Variants in PPP2R2B observed in about 807,000 individuals in gnomAD.
The protein encoded by PPP2R2B is protein phosphatase 2 regulatory subunit Bbeta.
Under a neutral mutation model 46.0 loss-of-function variants are expected in PPP2R2B, and 5 were observed. The observed-to-expected ratio is 0.11, with a 90% CI of 0.06 to 0.23. The LOEUF (loss-of-function observed/expected upper bound fraction) is 0.23, where lower values mean the gene tolerates loss of function less well. Ranked by LOEUF, PPP2R2B falls within the 10% of genes least tolerant of loss-of-function variation. The probability of loss-of-function intolerance (pLI) is 1.00; values close to 1 mark genes in which losing one functional copy is unlikely to be tolerated. For synonymous variants in PPP2R2B, 215 were observed against 206.7 expected (o/e 1.04, Z -0.34); for missense variants, 367 against 575.0 (o/e 0.64, Z 3.70).
intron 1 of PPP2R2B, among the ~76,000 whole-genome samples, chr5:146,896,593 A>G (rs1762651236): frequency 6.6e-6 from 1 of 152,234 alleles, no homozygotes; most frequent in African/African-American, 2.4e-5. Context: ...GAAGCTATTC[A>G]GTTTGAAATG....
At chr5:146,712,005 A>G (rs1377442068) in intron 2 of PPP2R2B, among the ~76,000 whole-genome samples, 7 of 152,188 alleles carry the variant, frequency 4.6e-5, no homozygotes, top group African/African-American at 1.7e-4. Flanking sequence ...AATACAATGC[A>G]TATTTTTGTT....
intron 1 of PPP2R2B, among the ~76,000 whole-genome samples, chr5:147,047,323 G>C (rs1338219145): frequency 1.3e-5 from 2 of 152,046 alleles, no homozygotes; most frequent in East Asian, 3.9e-4. Context: ...ACAAAGAGAG[G>C]ATAAGTGTTT....
chr5:146,680,814 C>A (rs1319516795), intron 5 of PPP2R2B, among the ~76,000 whole-genome samples: 1 of 152,174 alleles, frequency 6.6e-6, no homozygotes, highest in African/African-American at 2.4e-5. Context: ...AAACACAAAC[C>A]TAACACCTTT....
At chr5:146,787,729 G>A (rs550037601) in intron 2 of PPP2R2B, among the ~76,000 whole-genome samples, 16 of 152,198 alleles carry the variant, frequency 1.1e-4, no homozygotes, top group African/African-American at 3.9e-4. Flanking sequence ...CACTATGCCT[G>A]GCTAAGTTTT....
chr5:147,069,783 C>CTGTTTTT (rs1757521438), intron 2 of PPP2R2B, among the ~76,000 whole-genome samples: 7 of 48,436 alleles, frequency 1.4e-4, no homozygotes, highest in Non-Finnish European at 2.9e-4. Flanking sequence ...ACATTTTATA[C>CTGTTTTT]TGTTTTTTTT....
At chr5:146,647,767 A>G (rs1775685400) in intron 6 of PPP2R2B, among the ~76,000 whole-genome samples, 1 of 152,172 alleles carries the variant, frequency 6.6e-6, no homozygotes, top group Admixed American at 6.5e-5. Context: ...CAGCCAGCTG[A>G]GCCTGAGCAG....
At chr5:146,709,338 A>C (rs1290763571) in intron 2 of PPP2R2B, among the ~76,000 whole-genome samples, 1 of 152,080 alleles carries the variant, frequency 6.6e-6, no homozygotes, top group Non-Finnish European at 1.5e-5. Context: ...CATTAATGGC[A>C]TGTGTTATGT....
chr5:146,861,038 T>A (rs1760953527), intron 2 of PPP2R2B, among the ~76,000 whole-genome samples: 1 of 150,908 alleles, frequency 6.6e-6, no homozygotes, highest in South Asian at 2.1e-4. Flanking sequence ...CTTCCAGCAT[T>A]CAAACTGAAT....
chr5:146,877,477 A>T lies in PPP2R2B; in HGVS notation c.70+525T>A, dbSNP rs560343335. 1.3e-4 allele frequency among the ~76,000 whole-genome samples: 20 copies of T among 152,256 alleles called. 1 individual carries two copies. Among genetic ancestry groups the T allele is most frequent in the South Asian group, 4.1e-4 (2 of 4,820 alleles). On this transcript the variant is annotated intron_variant, in intron 2 of 9. Transcript: ENST00000394411. Reference sequence around the variant, plus strand: ...TTATTTTTGCTAATGCACTTCCAAAAGGAAAGAGGTTCGCCCGTCTGCAAA... The same window carrying T: ...TTATTTTTGCTAATGCACTTCCAAATGGAAAGAGGTTCGCCCGTCTGCAAA...
At chr5:146,697,220 T>A (rs1374559132) in intron 4 of PPP2R2B, among the ~76,000 whole-genome samples, 2 of 152,240 alleles carry the variant, frequency 1.3e-5, no homozygotes, top group Non-Finnish European at 2.9e-5. Context: ...TCTTAATTGT[T>A]ATGCTATTCA....
At chr5:146,686,555 G>A (rs772429769) in intron 5 of PPP2R2B, among the ~76,000 whole-genome samples, 90 of 152,234 alleles carry the variant, frequency 5.9e-4, no homozygotes, top group Middle Eastern at 3.4e-3. Flanking sequence ...TCAATAGATG[G>A]TTGCTATAAT....
At chr5:146,774,959 G>A (rs1480572261) in intron 2 of PPP2R2B, among the ~76,000 whole-genome samples, 1 of 151,990 alleles carries the variant, frequency 6.6e-6, no homozygotes, top group African/African-American at 2.4e-5. Flanking sequence ...AATCCAAGTA[G>A]ACCTGTATCA....
intron 5 of PPP2R2B, among the ~76,000 whole-genome samples, chr5:146,689,687 G>C (rs1278140549): frequency 6.6e-6 from 1 of 152,150 alleles, no homozygotes; most frequent in Admixed American, 6.5e-5. Flanking sequence ...ACCCAGGCTG[G>C]ACTGACTCAA....
At position 146,584,969 on chromosome 5, in the gene PPP2R2B, CCTTTT is replaced by C. The variant is rs890434577; in HGVS notation, c.*4973_*4977del. ...CTGCTTAGATGACACATTCTGAGAA[CCTTTT>C]CTTATCACTCATTGATTAACTATTT... On this transcript the variant is annotated 3_prime_UTR_variant, in exon 10 of 10. Coordinates refer to ENST00000394411, the MANE Select transcript of PPP2R2B (RefSeq NM_181675.4). The C allele has an allele frequency of 6.6e-6, 1 of 152,150 alleles. No homozygotes were observed. The highest frequency in any genetic ancestry group is 2.4e-5 in the African/African-American group (1 of 41,440). The allele number at this position is 152,150 out of a possible 1,614,324, so 9.4% of individuals were successfully genotyped here.
At chr5:146,949,163 A>C (rs80307097) in intron 1 of PPP2R2B, among the ~76,000 whole-genome samples, 3 of 152,064 alleles carry the variant, frequency 2.0e-5, no homozygotes, top group African/African-American at 7.2e-5. Flanking sequence ...GAGTGGTACT[A>C]TTAAGCTTCA....
intron 2 of PPP2R2B, chr5:146,706,816 G>A (rs1246871459): frequency 1.5e-5 from 14 of 914,696 alleles, no homozygotes; most frequent in South Asian, 2.6e-5. Context: ...CGATCTCCTC[G>A]TACTGTACCT....
chr5:146,876,068 G>A (rs1006701561), intron 2 of PPP2R2B, among the ~76,000 whole-genome samples: 1 of 152,130 alleles, frequency 6.6e-6, no homozygotes, highest in African/African-American at 2.4e-5. Flanking sequence ...TGAAATAAAG[G>A]TTTGTTAGTT....
chr5:146,830,903 T>C (rs1321782132), intron 2 of PPP2R2B, among the ~76,000 whole-genome samples: 1 of 152,200 alleles, frequency 6.6e-6, no homozygotes, highest in African/African-American at 2.4e-5. Flanking sequence ...TGAACCAATG[T>C]GTGATGGTGG....
At chr5:146,933,090 T>A (rs2151823298) in intron 1 of PPP2R2B, among the ~76,000 whole-genome samples, 1 of 152,348 alleles carries the variant, frequency 6.6e-6, no homozygotes, top group South Asian at 2.1e-4. Flanking sequence ...CTTGGAATTG[T>A]AACTAATTCT....
Sources: gnomAD v4.1 joint callset for allele counts (sites outside exome capture counted in the v4.1 genomes callset) on GRCh38, gnomAD v4.1.1 for gene constraint, MANE v1.5 for transcripts, NCBI Gene and HGNC (gene_info 2026-07-23, HGNC 2026-07-21) for gene names.